KCNK13: variants seen among roughly 807,000 people sequenced by gnomAD.
KCNK13 encodes potassium two pore domain channel subfamily K member 13.
KCNK13 carries 12 observed loss-of-function variants against 23.4 expected under a neutral mutation model. The observed-to-expected ratio is 0.51, with a 90% CI of 0.33 to 0.83. The LOEUF is 0.83. Among genes scored for constraint, KCNK13 ranks in the 40% least tolerant of loss-of-function variants. The pLI, the probability that KCNK13 is intolerant of heterozygous loss-of-function variation, is 0.02. For missense variants in KCNK13, 463 were observed against 556.3 expected, an observed-to-expected ratio of 0.83 and a Z score of 1.69; for synonymous variants, 231 against 229.5, an observed-to-expected ratio of 1.01 and a Z score of -0.06.
chr14:90,159,068 G>A (rs1433905950), intron 1 of KCNK13, among the ~76,000 whole-genome samples: 2 of 152,238 alleles, frequency 1.3e-5, no homozygotes, highest in South Asian at 2.1e-4. Flanking sequence ...AAAGTCCAAG[G>A]TTGAGTGGCT....
chr14:90,173,410 G>T (rs188059743), intron 1 of KCNK13, among the ~76,000 whole-genome samples: 282 of 152,312 alleles, frequency 1.9e-3, no homozygotes, highest in African/African-American at 6.3e-3. Flanking sequence ...ACTTTGATGA[G>T]GGGAGGGTAA....
chr14:90,114,920 A>C (rs1285755190), intron 1 of KCNK13, among the ~76,000 whole-genome samples: 1 of 152,174 alleles, frequency 6.6e-6, no homozygotes, highest in Non-Finnish European at 1.5e-5. Context: ...CTCTTTCTGC[A>C]TGCAGGTGCA....
intron 1 of KCNK13, among the ~76,000 whole-genome samples, chr14:90,154,582 A>G (rs1890173504): frequency 6.6e-6 from 1 of 152,204 alleles, no homozygotes; most frequent in Admixed American, 6.5e-5. Context: ...TCCAGCTGCC[A>G]TTGCGTGATT....
intron 1 of KCNK13, among the ~76,000 whole-genome samples, chr14:90,088,891 GCT>G (rs112732632): frequency 0.19 from 28,825 of 152,146 alleles, 2,746 homozygotes; most frequent in Middle Eastern, 0.24. Context: ...CCCTGCATGA[GCT>G]CTCTTTGCTT....
chr14:90,131,582 C>T (rs1889872455), intron 1 of KCNK13, among the ~76,000 whole-genome samples: 1 of 152,014 alleles, frequency 6.6e-6, no homozygotes, highest in Non-Finnish European at 1.5e-5. Flanking sequence ...GGCAGGAATA[C>T]AGTGGCATGA....
intron 1 of KCNK13, among the ~76,000 whole-genome samples, chr14:90,179,128 T>G (rs1051312847): frequency 6.6e-6 from 1 of 152,058 alleles, no homozygotes; most frequent in African/African-American, 2.4e-5. Flanking sequence ...GTTAAAGATG[T>G]GTCTTTATTA....
intron 1 of KCNK13, among the ~76,000 whole-genome samples, chr14:90,110,696 T>C (rs1276671048): frequency 2.0e-5 from 3 of 151,818 alleles, no homozygotes; most frequent in Admixed American, 6.6e-5. Flanking sequence ...TATTGAATCT[T>C]CTGGGGTACT....
intron 1 of KCNK13, among the ~76,000 whole-genome samples, chr14:90,089,504 A>T (rs1021961321): frequency 3.3e-5 from 5 of 152,242 alleles, no homozygotes; most frequent in Admixed American, 2.6e-4. Context: ...AATAGAGCAT[A>T]AAGTTTGGAA....
At chr14:90,131,533 T>C (rs1249338614) in intron 1 of KCNK13, among the ~76,000 whole-genome samples, 1 of 151,904 alleles carries the variant, frequency 6.6e-6, no homozygotes, top group Non-Finnish European at 1.5e-5. Flanking sequence ...CCCGGCCATA[T>C]TATTTATTTT....
chr14:90,185,061 AG>A lies in KCNK13; in HGVS notation c.*62del. The A allele has an allele frequency of 7.0e-7, 1 of 1,428,596 alleles. No homozygotes were observed. The highest frequency in any genetic ancestry group is 9.3e-7 in the Non-Finnish European group (1 of 1,076,604). 88.5% of individuals were successfully genotyped at this position (1,428,596 alleles called of 1,614,324 possible). ...GTAGAATGGAGGATGATTGCCGCCC[AG>A]GGGACGAGCTCAGCCCTGCGCCTTG... On this transcript the variant is annotated 3_prime_UTR_variant, in exon 2 of 2. Coordinates refer to ENST00000282146, the MANE Select transcript of KCNK13 (RefSeq NM_022054.4).
chr14:90,062,376 G>A lies in KCNK13; in HGVS notation c.171G>A (p.Leu57=), dbSNP rs1268001820. The A allele has an allele frequency of 6.4e-7, 1 of 1,553,942 alleles. No individual in the cohort carries two copies. Among genetic ancestry groups the A allele is most frequent in the East Asian group, 2.4e-5 (1 of 41,346 alleles). The stretch of plus-strand genomic sequence containing the variant: ...CCAAGCAGCGCTGGGAGGAGCGCCT[G>A]GCCAACTTCAGCCGCGGCCACAACC... ...RQAKQRWEER[L]ANFSRGHNLS... Residue 57 remains leucine (L), a synonymous_variant, in exon 1 of 2, where the codon CTG becomes CTA. Transcript: ENST00000282146. This position sits in a 1 kb window ranked among gnomAD's most constrained non-coding sequence, Gnocchi z 4.5.
At chr14:90,087,129 CATAT>C (rs141670518) in intron 1 of KCNK13, among the ~76,000 whole-genome samples, 6,981 of 124,460 alleles carry the variant, frequency 0.056, 290 homozygotes, top group South Asian at 0.15. Flanking sequence ...TATATATATA[CATAT>C]ATATATATAT....
chr14:90,062,636 G>GATAC lies in KCNK13; in HGVS notation c.334+97_334+98insATAC. The GATAC allele has an allele frequency of 1.0e-6, 1 of 966,778 alleles. No individual in the cohort carries two copies. The highest frequency in any genetic ancestry group is 2.0e-5 in the South Asian group (1 of 50,462). The allele number at this position is 966,778 out of a possible 1,614,324, so 59.9% of individuals were successfully genotyped here. On this transcript the variant is annotated intron_variant, in intron 1 of 1. Transcript: ENST00000282146. This position sits in a 1 kb window ranked among gnomAD's most constrained non-coding sequence, Gnocchi z 4.5. ...CTCTCATCCTTTCATTCATCCATCT[G>GATAC]GGCGCCCAGCCAGACTCCACTGACA...
intron 1 of KCNK13, among the ~76,000 whole-genome samples, chr14:90,076,640 T>A (rs1037151295): frequency 2.0e-5 from 3 of 152,136 alleles, no homozygotes; most frequent in Non-Finnish European, 4.4e-5. Flanking sequence ...GTTTCTTTAT[T>A]GAGACAGAAG....
chr14:90,108,517 C>T (rs544827239), intron 1 of KCNK13, among the ~76,000 whole-genome samples: 3 of 152,288 alleles, frequency 2.0e-5, no homozygotes, highest in Admixed American at 2.0e-4. Flanking sequence ...AACCCCACCC[C>T]ATCCCATCCC....
At chr14:90,099,065 A>T (rs760365086) in intron 1 of KCNK13, among the ~76,000 whole-genome samples, 2 of 151,496 alleles carry the variant, frequency 1.3e-5, no homozygotes, top group East Asian at 1.9e-4. Context: ...GCAGAGTGAG[A>T]CTCTGTCTCT....
chr14:90,074,662 A>G (rs1195580712), intron 1 of KCNK13, among the ~76,000 whole-genome samples: 1 of 152,144 alleles, frequency 6.6e-6, no homozygotes, highest in Non-Finnish European at 1.5e-5. Flanking sequence ...GTTTCTGTAT[A>G]TCCTGGTGTC....
intron 1 of KCNK13, among the ~76,000 whole-genome samples, chr14:90,153,278 A>T (rs74080621): frequency 0.065 from 9,892 of 152,248 alleles, 415 homozygotes; most frequent in South Asian, 0.21. Context: ...ATTAAGGCAC[A>T]TTCTTTGGAG....
intron 1 of KCNK13, among the ~76,000 whole-genome samples, chr14:90,063,277 G>T (rs1056397436): frequency 2.0e-5 from 3 of 152,152 alleles, no homozygotes; most frequent in Non-Finnish European, 4.4e-5. Flanking sequence ...GGAGGCGGGG[G>T]TAGGACCTTC....
Sources: allele counts gnomAD v4.1 joint callset (sites outside exome capture counted in the v4.1 genomes callset), GRCh38; gene constraint gnomAD v4.1.1; non-coding constraint Gnocchi (gnomAD v3.1); transcripts MANE v1.5; gene names NCBI Gene and HGNC (gene_info 2026-07-23, HGNC 2026-07-21).